Variants in EYA4 observed in about 807,000 individuals in gnomAD.
The protein encoded by EYA4 is EYA transcriptional coactivator and phosphatase 4.
A neutral mutation model predicts 87.9 loss-of-function variants in EYA4; 31 were observed. The ratio of observed to expected loss-of-function variants is 0.35; its 90% CI spans 0.27 to 0.48. EYA4 has a LOEUF of 0.48. EYA4 is among the 20% of genes least tolerant of loss of function. The probability of loss-of-function intolerance (pLI) is 0.99; values close to 1 mark genes in which losing one functional copy is unlikely to be tolerated. For synonymous variants in EYA4, 263 were observed against 270.6 expected, an observed-to-expected ratio of 0.97 and a Z score of 0.28; for missense variants, 678 against 761.4, an observed-to-expected ratio of 0.89 and a Z score of 1.29.
intron 5 of EYA4, among the ~76,000 whole-genome samples, chr6:133,456,225 T>A (rs771467618): frequency 7.9e-5 from 12 of 152,218 alleles, no homozygotes; most frequent in Non-Finnish European, 1.6e-4. Context: ...TTAAATGTGC[T>A]GAAGACTGAT....
chr6:133,341,854 A>G (rs1278109549), intron 2 of EYA4, among the ~76,000 whole-genome samples: 1 of 152,194 alleles, frequency 6.6e-6, no homozygotes, highest in Non-Finnish European at 1.5e-5. Flanking sequence ...AATGGATAGC[A>G]TCTTTGAAAT....
chr6:133,265,521 A>G (rs1410799236), intron 1 of EYA4, among the ~76,000 whole-genome samples: 1 of 152,196 alleles, frequency 6.6e-6, no homozygotes, highest in Non-Finnish European at 1.5e-5. Flanking sequence ...TGTGAAAACT[A>G]AATGTTAAAG....
intron 19 of EYA4, among the ~76,000 whole-genome samples, chr6:133,527,893 G>T (rs979753605): frequency 1.3e-5 from 2 of 152,096 alleles, no homozygotes; most frequent in African/African-American, 4.8e-5. Flanking sequence ...CTGTAATGCA[G>T]TGTTTTTTCT....
chr6:133,501,701 C>T (rs561128606), intron 13 of EYA4, among the ~76,000 whole-genome samples: 26 of 152,106 alleles, frequency 1.7e-4, no homozygotes, highest in African/African-American at 4.8e-4. Flanking sequence ...ACATATGCTA[C>T]GGGTCCCAAA....
At chr6:133,294,062 T>TATATATATATATATATATATA (rs71003632) in intron 2 of EYA4, among the ~76,000 whole-genome samples, 1 of 105,162 alleles carries the variant, frequency 9.5e-6, no homozygotes, top group African/African-American at 3.4e-5. Context: ...TATATATATA[T>TATATATATATATATATATATA]AATTCTATTC....
chr6:133,356,845 C>A (rs1433715581), intron 2 of EYA4, among the ~76,000 whole-genome samples: 2 of 150,838 alleles, frequency 1.3e-5, no homozygotes, highest in Non-Finnish European at 2.9e-5. Flanking sequence ...CTCTGTTGCC[C>A]AGGCTGGAAT....
intron 3 of EYA4, among the ~76,000 whole-genome samples, chr6:133,394,310 T>TTG: frequency 8.2e-6 from 1 of 121,674 alleles, no homozygotes; most frequent in African/African-American, 2.7e-5. Context: ...TTTTTTTTTT[T>TTG]TTTTTTTTGG....
At chr6:133,449,905 T>C (rs1194340442) in intron 5 of EYA4, among the ~76,000 whole-genome samples, 1 of 152,216 alleles carries the variant, frequency 6.6e-6, no homozygotes, top group African/African-American at 2.4e-5. Flanking sequence ...AGCAAACTTT[T>C]GGTAACAAAA....
In EYA4 at chr6:133,495,483, T is replaced by TGTACTC. The variant is rs1797574988; in HGVS notation, c.1192-10623_1192-10622insGTACTC. Among the ~76,000 whole-genome samples the TGTACTC allele has an allele frequency of 4.8e-5, 2 of 41,784 alleles. 1 individual carries two copies. 27.4% of individuals were successfully genotyped at this position (41,784 alleles called of 152,430 possible). On this transcript the variant is annotated intron_variant, in intron 13 of 19. Coordinates refer to ENST00000355286, the MANE Select transcript of EYA4 (RefSeq NM_004100.5). The stretch of plus-strand genomic sequence containing the variant: ...TTATTTATAAATAAATATAAAGAAA[T>TGTACTC]ATAGAAGAGAGAGGTAGGCAAGGGC...
chr6:133,330,850 A>G (rs1051037284), intron 2 of EYA4, among the ~76,000 whole-genome samples: 4 of 151,822 alleles, frequency 2.6e-5, no homozygotes, highest in African/African-American at 9.7e-5. Context: ...TGGCGAGAAC[A>G]GTATGTTTAC....
At chr6:133,414,161 G>C (rs965015571) in intron 3 of EYA4, among the ~76,000 whole-genome samples, 5 of 152,056 alleles carry the variant, frequency 3.3e-5, no homozygotes, top group Non-Finnish European at 7.4e-5. Context: ...CCATGGTGTG[G>C]TGCCTGCTGA....
intron 11 of EYA4, among the ~76,000 whole-genome samples, chr6:133,477,789 C>T (rs904812070): frequency 1.3e-5 from 2 of 151,240 alleles, no homozygotes; most frequent in Admixed American, 1.3e-4. Flanking sequence ...CCTAATTCAC[C>T]GGGTTGGAGT....
chr6:133,524,947 A>T, intron 18 of EYA4: 1 of 1,340,952 alleles, frequency 7.5e-7, no homozygotes, highest in Non-Finnish European at 1.1e-6. Context: ...GCATTAACTT[A>T]ACACTTTATG....
At chr6:133,262,841 A>C (rs145112548) in intron 1 of EYA4, among the ~76,000 whole-genome samples, 2 of 152,332 alleles carry the variant, frequency 1.3e-5, no homozygotes, top group Non-Finnish European at 2.9e-5. Context: ...GGTTGGCTCC[A>C]TTTAAGGAGC....
intron 2 of EYA4, among the ~76,000 whole-genome samples, chr6:133,342,574 CATATATAT>C (rs56987430): frequency 0.15 from 14,943 of 100,488 alleles, 1,425 homozygotes; most frequent in African/African-American, 0.22. Flanking sequence ...TACACACTGC[CATATATAT>C]ATATATATAT....
At chr6:133,250,797 G>T (rs556752888) in intron 1 of EYA4, among the ~76,000 whole-genome samples, 4 of 152,132 alleles carry the variant, frequency 2.6e-5, no homozygotes, top group Non-Finnish European at 5.9e-5. Context: ...GCCTCATGGG[G>T]TTCTGATGAG....
At chr6:133,355,554 A>G (rs1003230960) in intron 2 of EYA4, among the ~76,000 whole-genome samples, 3 of 152,206 alleles carry the variant, frequency 2.0e-5, no homozygotes, top group Non-Finnish European at 4.4e-5. Context: ...GCTAGAGGCC[A>G]CTATCCTTAG....
intron 1 of EYA4, among the ~76,000 whole-genome samples, chr6:133,269,115 C>T (rs1019799375): frequency 6.6e-6 from 1 of 152,106 alleles, no homozygotes; most frequent in Non-Finnish European, 1.5e-5. Context: ...AAAAATTAGC[C>T]AGGCGTGGTG....
At chr6:133,276,599 C>T (rs964707168) in intron 2 of EYA4, among the ~76,000 whole-genome samples, 4 of 152,068 alleles carry the variant, frequency 2.6e-5, no homozygotes, top group Non-Finnish European at 5.9e-5. Context: ...TTAAAAGTTT[C>T]CAGTGATGCT....
Sources: gnomAD v4.1 joint callset for allele counts (sites outside exome capture counted in the v4.1 genomes callset) on GRCh38, gnomAD v4.1.1 for gene constraint, MANE v1.5 for transcripts, NCBI Gene and HGNC (gene_info 2026-07-23, HGNC 2026-07-21) for gene names.